The following TRNP1 variants were observed in gnomAD, a reference collection of about 807,000 sequenced individuals.
TRNP1 encodes TMF-regulated nuclear protein 1.
A neutral mutation model predicts 12.2 loss-of-function variants in TRNP1; 16 were observed. The observed-to-expected ratio is 1.31, with a 90% CI of 0.89 to 1.99. The LOEUF is 1.99. Ranked by LOEUF, TRNP1 falls within the 30% of genes most tolerant of loss-of-function variation. The pLI is 0.00. For synonymous variants in TRNP1, 139 were observed against 166.2 expected, an observed-to-expected ratio of 0.84 and a Z score of 1.26; for missense variants, 338 against 330.4, an observed-to-expected ratio of 1.02 and a Z score of -0.18.
chr1:26,998,181 A>G (rs943504292), intron 1 of TRNP1, among the ~76,000 whole-genome samples: 2 of 151,670 alleles, frequency 1.3e-5, no homozygotes, highest in Non-Finnish European at 2.9e-5. Flanking sequence ...CAGGAGATCG[A>G]GACCATCGTG....
chr1:26,993,692 G>C lies in TRNP1; in HGVS notation c.-95G>C, dbSNP rs1251575952. The C allele has an allele frequency of 2.4e-6, 3 of 1,226,974 alleles. No individual in the cohort carries two copies. Among genetic ancestry groups the C allele is most frequent in the Non-Finnish European group, 2.0e-6 (2 of 984,606 alleles). The allele number at this position is 1,226,974 out of a possible 1,614,324, so 76.0% of individuals were successfully genotyped here. A position where few individuals can be genotyped will look rare whatever the true frequency, so the allele number is the denominator to read the frequency against. ...ATGCGCGGACGGCGGGCGCGCCTCT[G>C]GGGTGGGGGCTGTGGCCGTGTCTAG... On this transcript the variant is annotated 5_prime_UTR_variant, in exon 1 of 2. Coordinates refer to ENST00000522111, the MANE Select transcript of TRNP1 (RefSeq NM_001013642.3).
chr1:26,994,038 C>T lies in TRNP1; in HGVS notation c.252C>T (p.Ala84=), dbSNP rs1005644848. ...GCGCTAGCGGGATCGCGGGGCTCGC[C>T]GGCCCCGGAGGGGGCTCTGGCGCGG... is the stretch of plus-strand genomic sequence containing the variant. The part of the protein sequence containing the change: ...RQGASGIAGL[A]GPGGGSGAAA... Residue 84 remains alanine (A), a synonymous_variant, in exon 1 of 2, where the codon GCC becomes GCT. Coordinates refer to ENST00000522111, the MANE Select transcript of TRNP1 (RefSeq NM_001013642.3). The surrounding 1 kb of genome is among the most constrained non-coding windows in gnomAD (Gnocchi z 6.9). 7.1e-5 allele frequency: 88 copies of T among 1,235,694 alleles called. No homozygotes were observed. Among genetic ancestry groups the T allele is most frequent in the Non-Finnish European group, 8.7e-5 (86 of 990,606 alleles). 76.5% of individuals were successfully genotyped at this position (1,235,694 alleles called of 1,614,324 possible).
rs957504718 is a variant in TRNP1 at position 27,000,794 on chromosome 1, T to G, written c.*1090T>G. 6.6e-6 allele frequency: 1 copy of G among 152,240 alleles called. No individual in the cohort carries two copies. Among genetic ancestry groups the G allele is most frequent in the African/African-American group, 2.4e-5 (1 of 41,440 alleles). 9.4% of individuals were successfully genotyped at this position (152,240 alleles called of 1,614,324 possible). ...GCAGTCTGGCCCTGTTGACTTTGAT[T>G]TGCAGACCAATTCTCCCTTGACCTG... On this transcript the variant is annotated 3_prime_UTR_variant, in exon 2 of 2. Transcript: ENST00000522111.
intron 1 of TRNP1, among the ~76,000 whole-genome samples, chr1:26,995,970 G>A (rs1422177337): frequency 6.6e-6 from 1 of 152,216 alleles, no homozygotes; most frequent in Non-Finnish European, 1.5e-5. Context: ...AACAGGCACT[G>A]CTTTTGCTGA....
At position 26,993,705 on chromosome 1, in the gene TRNP1, T is replaced by G. The variant is rs1171198891; in HGVS notation, c.-82T>G. The G allele has an allele frequency of 1.9e-5, 22 of 1,179,934 alleles. No homozygotes were observed. The Middle Eastern group carries it at 1.7e-3, about 93-fold the overall frequency. 73.1% of individuals were successfully genotyped at this position (1,179,934 alleles called of 1,614,324 possible). On this transcript the variant is annotated 5_prime_UTR_variant, in exon 1 of 2. Transcript: ENST00000522111. ...GGGCGCGCCTCTGGGGTGGGGGCTG[T>G]GGCCGTGTCTAGCTGTTCGGGTGTG...
In TRNP1 at chr1:26,998,575, C is replaced by T. The variant is rs1251243081; in HGVS notation, c.*143-1272C>T. On this transcript the variant is annotated intron_variant, in intron 1 of 1. Coordinates refer to ENST00000522111, the MANE Select transcript of TRNP1 (RefSeq NM_001013642.3). The stretch of plus-strand genomic sequence containing the variant: ...AAGGAGAGGCCTGCTGTCATGAGAG[C>T]GGTGCAGGAGGAGGTATTTGGGAAA... 5.3e-5 allele frequency among the ~76,000 whole-genome samples: 8 copies of T among 152,214 alleles called. No homozygotes were observed. The South Asian group carries it at 8.3e-4, about 16-fold the overall frequency.
In TRNP1 at chr1:26,993,713, T is replaced by A. The variant is rs2082528336; in HGVS notation, c.-74T>A. The A allele has an allele frequency of 3.3e-6, 4 of 1,225,982 alleles. No homozygotes were observed. In the South Asian group the frequency reaches 1.0e-4, roughly 31 times the overall value. The allele number at this position is 1,225,982 out of a possible 1,614,324, so 75.9% of individuals were successfully genotyped here. The stretch of plus-strand genomic sequence containing the variant: ...CTCTGGGGTGGGGGCTGTGGCCGTG[T>A]CTAGCTGTTCGGGTGTGCTGTGGTC... On this transcript the variant is annotated 5_prime_UTR_variant, in exon 1 of 2. Coordinates refer to ENST00000522111, the MANE Select transcript of TRNP1 (RefSeq NM_001013642.3).
At chr1:26,997,281 A>G (rs886922877) in intron 1 of TRNP1, among the ~76,000 whole-genome samples, 2 of 128,778 alleles carry the variant, frequency 1.6e-5, no homozygotes, top group Non-Finnish European at 3.1e-5. Flanking sequence ...GTTGCACCGC[A>G]CTCCAGCCTG....
intron 1 of TRNP1, among the ~76,000 whole-genome samples, chr1:26,996,039 G>A (rs1339840642): frequency 6.6e-6 from 1 of 152,188 alleles, no homozygotes; most frequent in Non-Finnish European, 1.5e-5. Flanking sequence ...GATTTCTCAA[G>A]GTCACATGCC....
Position 26,994,775 on chromosome 1 carries a change from G to C in TRNP1, c.*142+163G>C, listed in dbSNP as rs1557698584. 1 of 163,102 alleles carries C rather than the reference G, an allele frequency of 6.1e-6. No individual in the cohort carries two copies. The highest frequency in any genetic ancestry group is 2.0e-4 in the South Asian group (1 of 4,940). The allele number at this position is 163,102 out of a possible 1,614,324, so 10.1% of individuals were successfully genotyped here. A position where few individuals can be genotyped will look rare whatever the true frequency, so the allele number is the denominator to read the frequency against. ...TCTCCCGACCATCTGGAGAGTGAGA[G>C]GTGGTAGCATCAAGTCTCCATTATA... On this transcript the variant is annotated intron_variant, in intron 1 of 1. Transcript: ENST00000522111. The surrounding 1 kb of genome is among the most constrained non-coding windows in gnomAD (Gnocchi z 6.9).
rs2082537893 is a variant in TRNP1, at chr1:26,994,901, C to G, written c.*142+289C>G. Among the ~76,000 whole-genome samples the G allele has an allele frequency of 6.6e-6, 1 of 152,212 alleles. No individual in the cohort carries two copies. The highest frequency in any genetic ancestry group is 1.5e-5 in the Non-Finnish European group (1 of 68,036). Reference sequence around the variant, plus strand: ...ACGGATGCAGCACCCCCCATCCTCACCCCCACTTGCGTGGCCTTTCCCGGG... The same window carrying G: ...ACGGATGCAGCACCCCCCATCCTCAGCCCCACTTGCGTGGCCTTTCCCGGG... On this transcript the variant is annotated intron_variant, in intron 1 of 1. Coordinates refer to ENST00000522111, the MANE Select transcript of TRNP1 (RefSeq NM_001013642.3). The surrounding 1 kb of genome is among the most constrained non-coding windows in gnomAD (Gnocchi z 6.9).
Position 26,993,901 on chromosome 1 carries a change from A to G in TRNP1, c.115A>G (p.Thr39Ala), listed in dbSNP as rs1437239667. 2.2e-6 allele frequency: 3 copies of G among 1,377,330 alleles called. No homozygotes were observed. Among genetic ancestry groups the G allele is most frequent in the South Asian group, 1.7e-5 (1 of 58,920 alleles). The allele number at this position is 1,377,330 out of a possible 1,614,324, so 85.3% of individuals were successfully genotyped here. A position where few individuals can be genotyped will look rare whatever the true frequency, so the allele number is the denominator to read the frequency against. Residue 39 changes from threonine (T) to alanine (A), a missense_variant, in exon 1 of 2, where the codon ACT becomes GCT. Physicochemically the swap from Thr to Ala is moderately conservative, Grantham distance 58 (BLOSUM62 0). Transcript: ENST00000522111. ...GCCGTCCTCTCAGCCCCCGCCCCCA[A>G]CTCCGACCTTGACTCCTACCCCGAC... Reference protein sequence around the residue: ...PMPSSQPPPPTPTLTPTPTPG... With the variant: ...PMPSSQPPPPAPTLTPTPTPG...
intron 1 of TRNP1, among the ~76,000 whole-genome samples, chr1:26,998,419 G>A (rs866907132): frequency 3.9e-5 from 6 of 152,188 alleles, no homozygotes; most frequent in South Asian, 2.1e-4. Flanking sequence ...CACTGCCAGT[G>A]GTGGCCAGTG....
Position 26,993,742 on chromosome 1 carries a change from CT to C in TRNP1, c.-44del. 7.8e-7 allele frequency: 1 copy of C among 1,278,772 alleles called. No individual in the cohort carries two copies. Among genetic ancestry groups the C allele is most frequent in the Non-Finnish European group, 9.9e-7 (1 of 1,013,308 alleles). 79.2% of individuals were successfully genotyped at this position (1,278,772 alleles called of 1,614,324 possible). On this transcript the variant is annotated 5_prime_UTR_variant, in exon 1 of 2. Coordinates refer to ENST00000522111, the MANE Select transcript of TRNP1 (RefSeq NM_001013642.3). ...GCTGTTCGGGTGTGCTGTGGTCATC[CT>C]CCCTGCGCACCTACAGCCGCAGACC... is the stretch of plus-strand genomic sequence containing the variant.
Position 26,994,556 on chromosome 1 carries a change from C to A in TRNP1, c.*86C>A. The A allele has an allele frequency of 1.0e-6, 1 of 989,564 alleles. No homozygotes were observed. Among genetic ancestry groups the A allele is most frequent in the Non-Finnish European group, 1.2e-6 (1 of 815,822 alleles). 61.3% of individuals were successfully genotyped at this position (989,564 alleles called of 1,614,324 possible). A position where few individuals can be genotyped will look rare whatever the true frequency, so the allele number is the denominator to read the frequency against. Reference sequence around the variant, plus strand: ...TGATCGCGGACGCCGGCTGGAAGGACTACGGATCCGCAGGAAGAGGCAGTT... The same window carrying A: ...TGATCGCGGACGCCGGCTGGAAGGAATACGGATCCGCAGGAAGAGGCAGTT... On this transcript the variant is annotated 3_prime_UTR_variant, in exon 1 of 2. Coordinates refer to ENST00000522111, the MANE Select transcript of TRNP1 (RefSeq NM_001013642.3). This position sits in a 1 kb window ranked among gnomAD's most constrained non-coding sequence, Gnocchi z 6.9.
intron 1 of TRNP1, among the ~76,000 whole-genome samples, chr1:26,996,460 G>T (rs1001426351): frequency 6.6e-6 from 1 of 152,204 alleles, no homozygotes; most frequent in African/African-American, 2.4e-5. Context: ...GGAACCCCAG[G>T]GAAGTAATGA....
chr1:26,994,650 A>T lies in TRNP1; in HGVS notation c.*142+38A>T, dbSNP rs910468193. On this transcript the variant is annotated intron_variant, in intron 1 of 1. Transcript: ENST00000522111. This position sits in a 1 kb window ranked among gnomAD's most constrained non-coding sequence, Gnocchi z 6.9. ...CGGCTGGTGCGTTCGAGGGTCGGTC[A>T]TGGCGTGTGGGGGGCTGGTCCAGGG... 3.1e-6 allele frequency: 1 copy of T among 325,212 alleles called. No homozygotes were observed. The highest frequency in any genetic ancestry group is 2.2e-5 in the African/African-American group (1 of 44,800). The allele number at this position is 325,212 out of a possible 1,614,324, so 20.1% of individuals were successfully genotyped here. A position where few individuals can be genotyped will look rare whatever the true frequency, so the allele number is the denominator to read the frequency against.
chr1:26,995,485 T>G (rs2082540739), intron 1 of TRNP1, among the ~76,000 whole-genome samples: 1 of 152,216 alleles, frequency 6.6e-6, no homozygotes, highest in South Asian at 2.1e-4. Context: ...GCTACCACAT[T>G]GCTGCTCACC....
intron 1 of TRNP1, among the ~76,000 whole-genome samples, chr1:26,995,561 T>C (rs914383611): frequency 2.6e-5 from 4 of 152,266 alleles, no homozygotes; most frequent in African/African-American, 9.6e-5. Flanking sequence ...CCAGAGGGGC[T>C]GTGGTGACGT....
Sources: allele counts gnomAD v4.1 joint callset (sites outside exome capture counted in the v4.1 genomes callset), GRCh38; gene constraint gnomAD v4.1.1; non-coding constraint Gnocchi (gnomAD v3.1); transcripts MANE v1.5; gene names NCBI Gene and HGNC (gene_info 2026-07-23, HGNC 2026-07-21).